Variants in CSMD3 observed in about 807,000 individuals in gnomAD.
CSMD3 encodes CUB and sushi domain-containing protein 3.
A neutral mutation model predicts 435.2 loss-of-function variants in CSMD3; 177 were observed. The observed-to-expected ratio is 0.41, with a 90% CI of 0.36 to 0.46. The LOEUF is 0.46. CSMD3 is among the 20% of genes least tolerant of loss of function. The pLI, the probability that CSMD3 is intolerant of heterozygous loss-of-function variation, is 0.34. For synonymous variants in CSMD3, 1,656 were observed against 1,520.5 expected (o/e 1.09, Z -2.07); for missense variants, 4,265 against 4,504.6 (o/e 0.95, Z 1.52).
chr8:112,952,951 T>G (rs2083879028), intron 8 of CSMD3, among the ~76,000 whole-genome samples: 1 of 151,342 alleles, frequency 6.6e-6, no homozygotes, highest in Non-Finnish European at 1.5e-5. Context: ...AAAGTGGAAA[T>G]AATATATATT....
At chr8:112,380,165 T>A (rs1039655992) in intron 38 of CSMD3, among the ~76,000 whole-genome samples, 187 bp downstream of exon 38, 1 of 152,228 alleles carries the variant, frequency 6.6e-6, no homozygotes, top group Non-Finnish European at 1.5e-5. Flanking sequence ...TAAATTCTTG[T>A]GAAACCATTA....
intron 23 of CSMD3, among the ~76,000 whole-genome samples, chr8:112,579,702 A>AC (rs1830204169): frequency 6.6e-6 from 1 of 152,024 alleles, no homozygotes; most frequent in Admixed American, 6.6e-5. Flanking sequence ...CCAAAGACTC[A>AC]CACATAGATA....
intron 10 of CSMD3, among the ~76,000 whole-genome samples, chr8:112,866,776 C>A (rs777180880): frequency 3.3e-5 from 5 of 152,060 alleles, no homozygotes; most frequent in Non-Finnish European, 5.9e-5. Context: ...AACTATAATT[C>A]TTCTGCTGCA....
Position 112,896,566 on chromosome 8 carries a change from T to C in CSMD3, c.1633+25061A>G, listed in dbSNP as rs547913932. Among the ~76,000 whole-genome samples the C allele has an allele frequency of 3.3e-4, 17 of 52,294 alleles. 1 individual carries two copies. Among genetic ancestry groups the C allele is most frequent in the Middle Eastern group, 7.9e-3 (1 of 126 alleles). The allele number at this position is 52,294 out of a possible 152,430, so 34.3% of individuals were successfully genotyped here. On this transcript the variant is annotated intron_variant, in intron 10 of 70. Transcript: ENST00000297405. ...TTATTTAATCCATCACCAAATCTTA[T>C]AGATTCTTTTCCTACTATAGAGTCT... is the stretch of plus-strand genomic sequence containing the variant.
At chr8:112,504,465 A>G (rs186811539) in intron 29 of CSMD3, among the ~76,000 whole-genome samples, 1 of 152,262 alleles carries the variant, frequency 6.6e-6, no homozygotes, top group East Asian at 1.9e-4. Flanking sequence ...TTAACTCTAC[A>G]ATCAGATATG....
At chr8:112,356,675 A>G (rs1423578140) in intron 38 of CSMD3, among the ~76,000 whole-genome samples, 4 of 151,738 alleles carry the variant, frequency 2.6e-5, no homozygotes, top group Non-Finnish European at 5.9e-5. Context: ...AGGTAACTGA[A>G]TCATGGGTGA....
chr8:112,557,185 T>C (rs559142382), intron 24 of CSMD3, among the ~76,000 whole-genome samples: 8 of 151,938 alleles, frequency 5.3e-5, no homozygotes, highest in Admixed American at 6.6e-5. Context: ...CCATGGTCTA[T>C]ATAATTACCA....
intron 17 of CSMD3, among the ~76,000 whole-genome samples, chr8:112,665,677 G>A (rs2075504302): frequency 6.6e-6 from 1 of 152,114 alleles, no homozygotes; most frequent in African/African-American, 2.4e-5. Context: ...ATTTTGATTT[G>A]TAAGTTGTGA....
intron 1 of CSMD3, among the ~76,000 whole-genome samples, chr8:113,418,729 A>T (rs949198872): frequency 2.0e-4 from 31 of 152,226 alleles, no homozygotes; most frequent in Non-Finnish European, 1.2e-4. Flanking sequence ...TATCGGAAGC[A>T]GTTTCCTCTG....
intron 2 of CSMD3, chr8:113,312,399 T>C (rs1002259023): frequency 6.6e-6 from 1 of 152,156 alleles, no homozygotes; most frequent in Non-Finnish European, 1.5e-5. Flanking sequence ...GCTTTCATTA[T>C]ATTGTATTCC....
intron 3 of CSMD3, among the ~76,000 whole-genome samples, chr8:113,224,784 C>CT (rs2093007885): frequency 6.7e-6 from 1 of 148,710 alleles, no homozygotes; most frequent in Non-Finnish European, 1.5e-5. Flanking sequence ...TAAATTCTGG[C>CT]TCTTGTGTAA....
Position 113,124,362 on chromosome 8 carries a change from G to A in CSMD3, c.710-25399C>T, listed in dbSNP as rs545475379. ...AGACACATAGGCACAACTATTTTTC[G>A]GCATCAAAATAATTTTTTTCTCACA... On this transcript the variant is annotated intron_variant, in intron 4 of 70. Coordinates refer to ENST00000297405, the MANE Select transcript of CSMD3 (RefSeq NM_198123.2). 4.0e-5 allele frequency among the ~76,000 whole-genome samples: 6 copies of A among 151,406 alleles called. No homozygotes were observed. The South Asian group carries it at 6.2e-4, about 16-fold the overall frequency.
intron 13 of CSMD3, among the ~76,000 whole-genome samples, chr8:112,782,887 C>A (rs2078428197): frequency 1.3e-5 from 2 of 151,892 alleles, no homozygotes; most frequent in South Asian, 4.1e-4. Flanking sequence ...CTTTCCCAGA[C>A]AAACAAAAAC....
chr8:112,280,309 C>G (rs1376081489), intron 59 of CSMD3, among the ~76,000 whole-genome samples: 1 of 152,042 alleles, frequency 6.6e-6, no homozygotes, highest in Non-Finnish European at 1.5e-5. Context: ...CTCACTCTGT[C>G]ACCCAAGCTG....
chr8:112,530,258 T>A (rs1825394783), intron 27 of CSMD3, among the ~76,000 whole-genome samples: 2 of 152,044 alleles, frequency 1.3e-5, no homozygotes, highest in Non-Finnish European at 2.9e-5. Context: ...ATAGCTAAAA[T>A]TTTCCCAAAC....
At chr8:113,286,630 AG>A (rs2093648616) in intron 2 of CSMD3, among the ~76,000 whole-genome samples, 1 of 151,294 alleles carries the variant, frequency 6.6e-6, no homozygotes, top group South Asian at 2.1e-4. Context: ...TATGTTTATT[AG>A]GTTTTAACTG....
intron 4 of CSMD3, among the ~76,000 whole-genome samples, chr8:113,155,745 T>G (rs2091917055): frequency 6.6e-6 from 1 of 152,106 alleles, no homozygotes; most frequent in African/African-American, 2.4e-5. Context: ...AAGATCATGT[T>G]GGTTCTGAAA....
At position 112,585,856 on chromosome 8, in the gene CSMD3, A is replaced by G. The variant is rs1830683364; in HGVS notation, c.3885+1210T>C. Among the ~76,000 whole-genome samples the G allele has an allele frequency of 2.0e-5, 3 of 151,784 alleles. No individual in the cohort carries two copies. The South Asian group carries it at 6.2e-4, about 31-fold the overall frequency. ...ATAAAAAGCACTGCCTCAGTTCTAT[A>G]TACAAGCATCCTATTAATCTCAATG... On this transcript the variant is annotated intron_variant, in intron 23 of 70. Coordinates refer to ENST00000297405, the MANE Select transcript of CSMD3 (RefSeq NM_198123.2).
At chr8:112,878,826 C>G (rs190650463) in intron 10 of CSMD3, among the ~76,000 whole-genome samples, 3 of 152,082 alleles carry the variant, frequency 2.0e-5, no homozygotes, top group African/African-American at 4.8e-5. Context: ...GGCAGAAGAA[C>G]AGAAATTGTG....
Sources: allele counts gnomAD v4.1 joint callset (sites outside exome capture counted in the v4.1 genomes callset), GRCh38; gene constraint gnomAD v4.1.1; transcripts MANE v1.5; gene names NCBI Gene and HGNC (gene_info 2026-07-23, HGNC 2026-07-21).